The following DTX4 variants were observed in gnomAD, a reference collection of about 807,000 sequenced individuals.
DTX4 encodes E3 ubiquitin-protein ligase DTX4.
Under a neutral mutation model 57.6 loss-of-function variants are expected in DTX4, and 28 were observed. That is an observed-to-expected ratio of 0.49 (90% CI 0.36 to 0.67). The LOEUF (loss-of-function observed/expected upper bound fraction) is 0.67. Among genes scored for constraint, DTX4 ranks in the 30% least tolerant of loss-of-function variants. The pLI is 0.00. For missense variants in DTX4, 715 were observed against 836.8 expected (o/e 0.85, Z 1.80); for synonymous variants, 316 against 331.0 (o/e 0.95, Z 0.49).
In DTX4 at chr11:59,182,140, G is replaced by T. The variant is rs1304067191; in HGVS notation, c.613G>T (p.Val205Phe). 9.9e-6 allele frequency: 16 copies of T among 1,613,472 alleles called. No homozygotes were observed. The highest frequency in any genetic ancestry group is 1.4e-5 in the Non-Finnish European group (16 of 1,179,794). The change falls in exon 2 of 9, where the codon GTC (valine) becomes TTC (phenylalanine). Residue 205 changes from valine (V) to phenylalanine (F), a missense_variant. By Grantham distance (50) the Val-to-Phe change is conservative (BLOSUM62 -1). Coordinates refer to ENST00000227451, the MANE Select transcript of DTX4 (RefSeq NM_015177.2). ...GGTGATGAGTGTTAAGGCAGCCGTG[G>T]TCAATGGCAGCACTGGGCCCCTACA... ...VLVMSVKAAV[V>F]NGSTGPLQLP...
chr11:59,184,621 C>T (rs1862505792), intron 2 of DTX4, among the ~76,000 whole-genome samples: 2 of 152,180 alleles, frequency 1.3e-5, no homozygotes, highest in Non-Finnish European at 2.9e-5. Context: ...GGGAGAGGCA[C>T]CCAGGTGGCT....
At chr11:59,193,642 G>A (rs1408747640) in intron 6 of DTX4, among the ~76,000 whole-genome samples, 1 of 152,156 alleles carries the variant, frequency 6.6e-6, no homozygotes, top group Non-Finnish European at 1.5e-5. Flanking sequence ...TGTTTCTCAA[G>A]AGTCTATGCT....
intron 1 of DTX4, among the ~76,000 whole-genome samples, chr11:59,177,309 C>A (rs1399203506): frequency 6.6e-6 from 1 of 152,272 alleles, no homozygotes; most frequent in African/African-American, 2.4e-5. Flanking sequence ...TCAATTCATA[C>A]CCCAGGAGAT....
chr11:59,188,766 G>A lies in DTX4; in HGVS notation c.967G>A (p.Gly323Arg). The change falls in exon 3 of 9, where the codon GGG becomes AGG. Residue 323 changes from glycine (G) to arginine (R), a missense_variant. Gly to Arg is a moderately radical substitution (Grantham distance 125, BLOSUM62 -2). Coordinates refer to ENST00000227451, the MANE Select transcript of DTX4 (RefSeq NM_015177.2). ...VPTVPVKNLN[G>R]SSPVNPALAG... Reference sequence around the variant, plus strand: ...CACAGTCCCAGTGAAGAACCTAAATGGGTCCAGTCCTGTCAACCCTGCCTT... The same window carrying A: ...CACAGTCCCAGTGAAGAACCTAAATAGGTCCAGTCCTGTCAACCCTGCCTT... 1.2e-6 allele frequency: 2 copies of A among 1,613,994 alleles called. No homozygotes were observed. The highest frequency in any genetic ancestry group is 1.7e-6 in the Non-Finnish European group (2 of 1,179,874).
intron 4 of DTX4, 26 bp downstream of exon 4, chr11:59,189,349 A>T (rs778346376): frequency 1.3e-6 from 2 of 1,505,756 alleles, no homozygotes; most frequent in South Asian, 2.6e-5. Context: ...CTCGTGGGGT[A>T]CTGAGAGTCA....
intron 1 of DTX4, among the ~76,000 whole-genome samples, chr11:59,178,890 C>T (rs1358005195): frequency 6.6e-6 from 1 of 151,978 alleles, no homozygotes; most frequent in African/African-American, 2.4e-5. Flanking sequence ...TGGGGGAATG[C>T]ATGAGGATAA....
chr11:59,194,938 A>T, intron 6 of DTX4: 2 of 484,842 alleles, frequency 4.1e-6, no homozygotes, highest in Non-Finnish European at 7.4e-6. Flanking sequence ...CCTGCCCTAG[A>T]GAGCTGGTCC....
intron 1 of DTX4, among the ~76,000 whole-genome samples, chr11:59,174,402 G>A (rs1173901552): frequency 6.6e-6 from 1 of 151,600 alleles, no homozygotes; most frequent in Non-Finnish European, 1.5e-5. Flanking sequence ...GGTGAGGGTG[G>A]AGGGGGTGTG....
Position 59,181,818 on chromosome 11 carries a change from C to A in DTX4, c.291C>A (p.Asn97Lys). The A allele has an allele frequency of 6.2e-7, 1 of 1,613,954 alleles. No individual in the cohort carries two copies. The highest frequency in any genetic ancestry group is 8.5e-7 in the Non-Finnish European group (1 of 1,179,882). The change falls in exon 2 of 9, where the codon AAC (asparagine) becomes AAA (lysine). Residue 97 changes from asparagine (N) to lysine (K), a missense_variant. Physicochemically the swap from Asn to Lys is moderately conservative, Grantham distance 94. Coordinates refer to ENST00000227451, the MANE Select transcript of DTX4 (RefSeq NM_015177.2). Reference protein sequence around the residue: ...PGKGVVWEWENDNGSWTPYDM... With the variant: ...PGKGVVWEWEKDNGSWTPYDM... ...AGGGCGTGGTGTGGGAGTGGGAGAA[C>A]GACAATGGCTCCTGGACGCCCTACG... is the stretch of plus-strand genomic sequence containing the variant.
rs1342173453 is a variant in DTX4 at position 59,205,733 on chromosome 11, C to A, written c.*824C>A. 1 of 152,770 alleles carries A rather than the reference C, an allele frequency of 6.5e-6. No individual in the cohort carries two copies. The highest frequency in any genetic ancestry group is 1.5e-5 in the Non-Finnish European group (1 of 68,134). The allele number at this position is 152,770 out of a possible 1,614,324, so 9.5% of individuals were successfully genotyped here. ...CTCAGGGAGAGGAGCCCACAGCCTT[C>A]TTCCCAACTCATTCTAGACCAGCTC... On this transcript the variant is annotated 3_prime_UTR_variant, in exon 9 of 9. Coordinates refer to ENST00000227451, the MANE Select transcript of DTX4 (RefSeq NM_015177.2).
At position 59,205,159 on chromosome 11, in the gene DTX4, T is replaced by A; in HGVS notation, c.*250T>A. The A allele has an allele frequency of 2.2e-6, 1 of 452,302 alleles. No individual in the cohort carries two copies. The highest frequency in any genetic ancestry group is 4.1e-6 in the Non-Finnish European group (1 of 244,944). 28.0% of individuals were successfully genotyped at this position (452,302 alleles called of 1,614,324 possible). On this transcript the variant is annotated 3_prime_UTR_variant, in exon 9 of 9. Coordinates refer to ENST00000227451, the MANE Select transcript of DTX4 (RefSeq NM_015177.2). ...CCATCCTGGGTCTGTTCCCATGGAGTTTTTGGTGCTGGGTAGGCAGGAATC... is the reference window on the plus strand; with the variant it reads ...CCATCCTGGGTCTGTTCCCATGGAGATTTTGGTGCTGGGTAGGCAGGAATC...
intron 3 of DTX4, 52 bp from the exon 4 acceptor site, chr11:59,189,110 T>A (rs1399603494): frequency 1.2e-6 from 2 of 1,600,284 alleles, no homozygotes; most frequent in African/African-American, 2.7e-5. Flanking sequence ...ATTTGGGGAA[T>A]GTTGAGAGCT....
rs200166889 is a variant in DTX4 at position 59,199,752 on chromosome 11, G to A, written c.1605G>A (p.Pro535=). ...ARGFPRHCYL[P]DSEKGRKVLK... is the part of the protein sequence containing the mutation. ...GCTTCCCACGACACTGTTACCTTCC[G>A]GACAGCGAGAAAGGGAGAAAAGTAA... is the stretch of plus-strand genomic sequence containing the variant. Residue 535 remains proline (P), a synonymous_variant, in exon 8 of 9, where the codon CCG becomes CCA. Transcript: ENST00000227451. 4.7e-5 allele frequency: 73 copies of A among 1,566,780 alleles called. No homozygotes were observed. The highest frequency in any genetic ancestry group is 4.6e-4 in the African/African-American group (34 of 73,632).
chr11:59,181,031 A>AT (rs139874705), intron 1 of DTX4, among the ~76,000 whole-genome samples: 6,090 of 149,828 alleles, frequency 0.041, 142 homozygotes, highest in Middle Eastern at 0.09. Context: ...GTAACACACC[A>AT]TTTTTTTTTT....
At position 59,205,223 on chromosome 11, in the gene DTX4, C is replaced by T. The variant is rs866451110; in HGVS notation, c.*314C>T. ...ACCTCCCAAGTAGGGGCATGGTCAG[C>T]ACACCTAGGGTATGGGCAGTGCTTA... On this transcript the variant is annotated 3_prime_UTR_variant, in exon 9 of 9. Transcript: ENST00000227451. 1.6e-4 allele frequency: 58 copies of T among 353,142 alleles called. No homozygotes were observed. Among genetic ancestry groups the T allele is most frequent in the African/African-American group, 1.2e-3 (57 of 48,204 alleles). 21.9% of individuals were successfully genotyped at this position (353,142 alleles called of 1,614,324 possible).
intron 8 of DTX4, among the ~76,000 whole-genome samples, chr11:59,200,516 A>AT (rs1358544653): frequency 2.6e-5 from 4 of 152,224 alleles, no homozygotes; most frequent in Admixed American, 6.5e-5. Flanking sequence ...TCTTAACGAG[A>AT]TGCGTAGCTG....
Position 59,182,408 on chromosome 11 carries a change from G to T in DTX4, c.881G>T (p.Arg294Leu), listed in dbSNP as rs141860745. 1.2e-6 allele frequency: 2 copies of T among 1,613,296 alleles called. No individual in the cohort carries two copies. The highest frequency in any genetic ancestry group is 1.1e-5 in the South Asian group (1 of 90,996). Residue 294 changes from arginine (R) to leucine (L), a missense_variant, in exon 2 of 9, where the codon CGT becomes CTT. Arg to Leu is a moderately radical substitution (Grantham distance 102, BLOSUM62 -2). Transcript: ENST00000227451. ...TGRVALATLN[R>L]TNLQRLAIAQ... ...AGGGTGGCCCTGGCCACCTTGAATC[G>T]TACCAACCTGCAGCGACTGGCCATT...
At chr11:59,181,696 A>C in intron 1 of DTX4, 43 bp from the exon 2 acceptor site, 1 of 1,550,274 alleles carries the variant, frequency 6.5e-7, no homozygotes, top group Non-Finnish European at 8.7e-7. Flanking sequence ...ACTCAGTGTA[A>C]TTGCATGCTG....
chr11:59,174,532 A>G (rs1342642519), intron 1 of DTX4, among the ~76,000 whole-genome samples: 2 of 140,000 alleles, frequency 1.4e-5, no homozygotes, highest in African/African-American at 5.6e-5. Context: ...TACCTTTTCT[A>G]TTTCAGAGTA....
Sources: allele counts gnomAD v4.1 joint callset (sites outside exome capture counted in the v4.1 genomes callset), GRCh38; gene constraint gnomAD v4.1.1; transcripts MANE v1.5; gene names NCBI Gene and HGNC (gene_info 2026-07-23, HGNC 2026-07-21).